TBC1D14: variants seen among roughly 807,000 people sequenced by gnomAD.
TBC1D14 encodes the protein TBC1 domain family member 14.
Under a neutral mutation model 79.0 loss-of-function variants are expected in TBC1D14, and 26 were observed. That is an observed-to-expected ratio of 0.33 (90% confidence interval 0.24 to 0.46). TBC1D14 has a LOEUF of 0.46. Among genes scored for constraint, TBC1D14 ranks in the 20% least tolerant of loss-of-function variants. The pLI is 1.00. For missense variants in TBC1D14, 769 were observed against 887.6 expected (o/e 0.87, Z 1.70); for synonymous variants, 394 against 349.9 (o/e 1.13, Z -1.40).
chr4:6,992,831 C>T (rs1057458962), intron 3 of TBC1D14, among the ~76,000 whole-genome samples: 1 of 152,128 alleles, frequency 6.6e-6, no homozygotes, highest in Admixed American at 6.5e-5. Context: ...GGAATGAGTC[C>T]GTGTTTTCAG....
chr4:6,922,816 G>A (rs1577462340), intron 1 of TBC1D14, among the ~76,000 whole-genome samples: 1 of 152,138 alleles, frequency 6.6e-6, no homozygotes, highest in Admixed American at 6.5e-5. Flanking sequence ...GATGTGACTG[G>A]TAGGGAGCGT....
intron 3 of TBC1D14, among the ~76,000 whole-genome samples, chr4:6,985,710 G>A (rs910337471): frequency 2.5e-3 from 23 of 9,284 alleles, no homozygotes; most frequent in South Asian, 0.2. Flanking sequence ...CAGTGTCCTA[G>A]ATAATTAATC....
Position 7,030,553 on chromosome 4 carries a change from T to C in TBC1D14, c.*161T>C, listed in dbSNP as rs1722954298. ...TAAACAAAACAAACACAAAAACTTT[T>C]AAAGAATTAAACCAAGGCTTAGCCT... is the stretch of plus-strand genomic sequence containing the variant. On this transcript the variant is annotated 3_prime_UTR_variant, in exon 14 of 14. Coordinates refer to ENST00000409757, the MANE Select transcript of TBC1D14 (RefSeq NM_020773.3). The C allele has an allele frequency of 1.5e-6, 1 of 677,370 alleles. No individual in the cohort carries two copies. Among genetic ancestry groups the C allele is most frequent in the Admixed American group, 2.6e-5 (1 of 38,438 alleles). The allele number at this position is 677,370 out of a possible 1,614,324, so 42.0% of individuals were successfully genotyped here.
At position 6,948,529 on chromosome 4, in the gene TBC1D14, C is replaced by T. The variant is rs181154960; in HGVS notation, c.723-18775C>T. Among the ~76,000 whole-genome samples, 8 of 152,246 alleles carry T rather than the reference C, an allele frequency of 5.3e-5. No individual in the cohort carries two copies. In the East Asian group the frequency reaches 9.7e-4, roughly 18 times the overall value. On this transcript the variant is annotated intron_variant, in intron 2 of 13. Transcript: ENST00000409757. Reference sequence around the variant, plus strand: ...GTCCAATGGTTACAAATAATGCCCACCATGGTGTTCTCACGGATGTCACTG... The same window carrying T: ...GTCCAATGGTTACAAATAATGCCCATCATGGTGTTCTCACGGATGTCACTG...
In TBC1D14 at chr4:6,987,921, T is replaced by TC. The variant is rs1018066683; in HGVS notation, c.844-6260dup. On this transcript the variant is annotated intron_variant, in intron 3 of 13. Coordinates refer to ENST00000409757, the MANE Select transcript of TBC1D14 (RefSeq NM_020773.3). ...TTAGAAAAGGACTCCTGAGAGTGCTTCCCAGAATGCCAACATTCCCAGTAA... is the reference window on the plus strand; with the variant it reads ...TTAGAAAAGGACTCCTGAGAGTGCTTCCCCAGAATGCCAACATTCCCAGTAA... Among the ~76,000 whole-genome samples, 12 of 152,230 alleles carry TC rather than the reference T, an allele frequency of 7.9e-5. No homozygotes were observed. The South Asian group carries it at 1.9e-3, about 24-fold the overall frequency.
chr4:6,965,636 G>A (rs542997562), intron 2 of TBC1D14, among the ~76,000 whole-genome samples: 1 of 152,234 alleles, frequency 6.6e-6, no homozygotes, highest in African/African-American at 2.4e-5. Flanking sequence ...TGAACTCCTG[G>A]GTTCCAATGA....
At chr4:7,024,685 G>A (rs1222520831) in intron 12 of TBC1D14, among the ~76,000 whole-genome samples, 2 of 152,242 alleles carry the variant, frequency 1.3e-5, no homozygotes, top group Non-Finnish European at 2.9e-5. Flanking sequence ...GCGGCGTACA[G>A]CGGCCCCTAA....
chr4:6,969,807 T>TA (rs1716067326), intron 3 of TBC1D14, among the ~76,000 whole-genome samples: 1 of 151,946 alleles, frequency 6.6e-6, no homozygotes, highest in East Asian at 1.9e-4. Context: ...CATTATGCGG[T>TA]AACACAATAT....
chr4:6,920,837 G>A (rs1001658182), intron 1 of TBC1D14, among the ~76,000 whole-genome samples: 1 of 152,196 alleles, frequency 6.6e-6, no homozygotes, highest in Non-Finnish European at 1.5e-5. Context: ...GGAGTGCAGT[G>A]GCGCGATCTC....
intron 7 of TBC1D14, among the ~76,000 whole-genome samples, chr4:7,002,350 T>A (rs1031356137): frequency 6.6e-6 from 1 of 152,244 alleles, no homozygotes; most frequent in Non-Finnish European, 1.5e-5. Context: ...TACTGAGCAT[T>A]TATTTCTAAA....
At chr4:6,929,008 T>C (rs1263623568) in intron 2 of TBC1D14, among the ~76,000 whole-genome samples, 5 of 152,234 alleles carry the variant, frequency 3.3e-5, no homozygotes, top group African/African-American at 9.6e-5. Flanking sequence ...CTATGCCTTT[T>C]CTGTGCAAAC....
intron 3 of TBC1D14, among the ~76,000 whole-genome samples, chr4:6,975,095 G>T (rs1367415530): frequency 2.0e-5 from 3 of 152,098 alleles, no homozygotes; most frequent in Admixed American, 2.0e-4. Flanking sequence ...TGTATTTTTA[G>T]TAGAGACAGG....
At chr4:6,912,641 T>C (rs1286291735) in intron 1 of TBC1D14, among the ~76,000 whole-genome samples, 1 of 152,192 alleles carries the variant, frequency 6.6e-6, no homozygotes, top group Non-Finnish European at 1.5e-5. Flanking sequence ...TGGCCTTGCT[T>C]ATGCAACTGG....
chr4:7,010,544 AGGGACACTTCTAGT>A, intron 10 of TBC1D14, 95 bp from the exon 11 acceptor site: 1 of 1,369,524 alleles, frequency 7.3e-7, no homozygotes, highest in Non-Finnish European at 9.9e-7. Flanking sequence ...GGGCGGCTCT[AGGGACACTTCTAGT>A]GTGAGGGTGG....
At chr4:6,962,891 C>G (rs950979165) in intron 2 of TBC1D14, among the ~76,000 whole-genome samples, 4 of 152,076 alleles carry the variant, frequency 2.6e-5, no homozygotes, top group Non-Finnish European at 5.9e-5. Flanking sequence ...TACTTGCCTC[C>G]CCTGCACACA....
chr4:7,032,589 AG>A lies in TBC1D14; in HGVS notation c.*2201del, dbSNP rs1411676119. The A allele has an allele frequency of 1.3e-5, 2 of 152,250 alleles. No individual in the cohort carries two copies. The highest frequency in any genetic ancestry group is 4.8e-5 in the African/African-American group (2 of 41,438). The allele number at this position is 152,250 out of a possible 1,614,324, so 9.4% of individuals were successfully genotyped here. A position where few individuals can be genotyped will look rare whatever the true frequency, so the allele number is the denominator to read the frequency against. ...CAGAAGTGGCTTGTATGACCTGTTC[AG>A]GGGTCACATGAGGTCTCGCCAGTTT... On this transcript the variant is annotated 3_prime_UTR_variant, in exon 14 of 14. Transcript: ENST00000409757.
At chr4:6,945,384 GA>G (rs533459068) in intron 2 of TBC1D14, among the ~76,000 whole-genome samples, 8 of 151,956 alleles carry the variant, frequency 5.3e-5, no homozygotes, top group African/African-American at 1.9e-4. Flanking sequence ...GGCGTAGCTT[GA>G]AAAAAAATCT....
At chr4:6,994,686 A>G (rs926984680) in intron 4 of TBC1D14, among the ~76,000 whole-genome samples, 1 of 152,070 alleles carries the variant, frequency 6.6e-6, no homozygotes, top group African/African-American at 2.4e-5. Flanking sequence ...TGTCTCTACT[A>G]AAAATACAAA....
At chr4:6,978,301 GGGGAAAGGT>G (rs1717009028) in intron 3 of TBC1D14, among the ~76,000 whole-genome samples, 1 of 150,482 alleles carries the variant, frequency 6.6e-6, no homozygotes, top group Non-Finnish European at 1.5e-5. Flanking sequence ...AATAGAAAGG[GGGGAAAGGT>G]GGGGAAAAGA....
Sources: allele counts gnomAD v4.1 joint callset (sites outside exome capture counted in the v4.1 genomes callset), GRCh38; gene constraint gnomAD v4.1.1; transcripts MANE v1.5; gene names NCBI Gene and HGNC (gene_info 2026-07-23, HGNC 2026-07-21).